The following FBXL18 variants were observed in gnomAD, a reference collection of about 807,000 sequenced individuals.
FBXL18 encodes F-box/LRR-repeat protein 18.
In FBXL18, 36 loss-of-function variants were observed where a neutral mutation model predicts 46.0. The observed-to-expected ratio is 0.78, with a 90% CI of 0.60 to 1.03. FBXL18 has a LOEUF of 1.03. Ranked by LOEUF, FBXL18 falls within the 50% of genes least tolerant of loss-of-function variation. The probability of loss-of-function intolerance (pLI) is 0.00; values close to 1 mark genes in which losing one functional copy is unlikely to be tolerated. For missense variants in FBXL18, 977 were observed against 1,004.1 expected, an observed-to-expected ratio of 0.97 and a Z score of 0.36; for synonymous variants, 557 against 465.3, an observed-to-expected ratio of 1.20 and a Z score of -2.54.
At chr7:5,473,399 C>T (rs945866862), downstream of FBXL18, among the ~76,000 whole-genome samples, 5 of 150,770 alleles carry the variant, frequency 3.3e-5, no homozygotes, top group Non-Finnish European at 5.9e-5. Context: ...TGGGCCGAGC[C>T]TCTTCCCAGA....
chr7:5,509,857 C>G (rs1200389991), intron 1 of FBXL18, among the ~76,000 whole-genome samples: 9 of 152,040 alleles, frequency 5.9e-5, no homozygotes, highest in Admixed American at 1.3e-4. Flanking sequence ...GCCCCCACCC[C>G]CACTCTCCAT....
intron 4 of FBXL18, among the ~76,000 whole-genome samples, chr7:5,461,122 G>A (rs368025146): frequency 3.3e-5 from 5 of 152,208 alleles, no homozygotes; most frequent in Non-Finnish European, 5.9e-5. Flanking sequence ...CTGCACTCTC[G>A]GGGTGGCAGG....
chr7:5,483,236 T>A (rs1327048380), intron 4 of FBXL18, among the ~76,000 whole-genome samples: 2 of 150,414 alleles, frequency 1.3e-5, no homozygotes, highest in African/African-American at 2.5e-5. Context: ...AGGTCAGGGG[T>A]TTGAGACCAG....
chr7:5,493,989 C>A (rs575825513), intron 3 of FBXL18, among the ~76,000 whole-genome samples: 1 of 151,852 alleles, frequency 6.6e-6, no homozygotes, highest in South Asian at 2.1e-4. Context: ...ATTAGCCAGG[C>A]AGGCCGGGCA....
chr7:5,511,157 C>A (rs1325624796), intron 1 of FBXL18, among the ~76,000 whole-genome samples: 1 of 152,180 alleles, frequency 6.6e-6, no homozygotes, highest in Non-Finnish European at 1.5e-5. Context: ...GAAATCTTGG[C>A]TGGGCATGGT....
chr7:5,461,962 C>T (rs956338770), intron 4 of FBXL18, among the ~76,000 whole-genome samples: 22 of 151,368 alleles, frequency 1.5e-4, no homozygotes, highest in African/African-American at 5.3e-4. Context: ...AAAAAAGAAA[C>T]AAAATCAGCT....
In FBXL18 at chr7:5,482,238, G is replaced by A. The variant is rs946276921; in HGVS notation, c.2001-307C>T. ...CGGAGGCCAACCCTGCTCTGCAGACGTGCTGCTGGGCCCCAGGGCAGCAGA... is the reference window on the plus strand; with the variant it reads ...CGGAGGCCAACCCTGCTCTGCAGACATGCTGCTGGGCCCCAGGGCAGCAGA... On this transcript the variant is annotated intron_variant, in intron 4 of 4. Transcript: ENST00000382368. Among the ~76,000 whole-genome samples, 7 of 152,184 alleles carry A rather than the reference G, an allele frequency of 4.6e-5. No individual in the cohort carries two copies. In the East Asian group the frequency reaches 5.8e-4, roughly 13 times the overall value.
At position 5,477,547 on chromosome 7, in the gene FBXL18, C is replaced by T. The variant is rs779263383; in HGVS notation, c.*4228G>A. 5.3e-5 allele frequency among the ~76,000 whole-genome samples: 8 copies of T among 151,988 alleles called. No individual in the cohort carries two copies. Among genetic ancestry groups the T allele is most frequent in the Non-Finnish European group, 1.0e-4 (7 of 67,998 alleles). ...GTGCAACCCCATCTCTGCAAAAATA[C>T]AAAAATTAGCCGGTCATGATGGCAG... On this transcript the variant is annotated 3_prime_UTR_variant, in exon 5 of 5. Transcript: ENST00000382368. This position sits in a 1 kb window ranked among gnomAD's most constrained non-coding sequence, Gnocchi z 4.4.
At chr7:5,461,690 C>T (rs1017348358) in intron 4 of FBXL18, among the ~76,000 whole-genome samples, 2 of 152,184 alleles carry the variant, frequency 1.3e-5, no homozygotes, top group Admixed American at 6.5e-5. Flanking sequence ...CCTGTAATCC[C>T]AGCACTTTGG....
At chr7:5,474,857 G>A (rs1378114512), downstream of FBXL18, among the ~76,000 whole-genome samples, 7 of 150,644 alleles carry the variant, frequency 4.6e-5, no homozygotes, top group Admixed American at 6.6e-5. Flanking sequence ...ACAGGCGCCC[G>A]CCACCACGCC....
chr7:5,508,208 G>C (rs553897685), intron 1 of FBXL18, among the ~76,000 whole-genome samples: 1 of 151,912 alleles, frequency 6.6e-6, no homozygotes, highest in Non-Finnish European at 1.5e-5. Context: ...GGAGGTTGCA[G>C]TGAGCTGAGA....
chr7:5,495,833 G>A lies in FBXL18; in HGVS notation c.1782-4384C>T, dbSNP rs368679861. 1,075 of 479,786 alleles carry A rather than the reference G, an allele frequency of 2.2e-3. 2 individuals carry two copies. Among genetic ancestry groups the A allele is most frequent in the Admixed American group, 4.3e-3 (189 of 43,526 alleles). 29.7% of individuals were successfully genotyped at this position (479,786 alleles called of 1,614,324 possible). A position where few individuals can be genotyped will look rare whatever the true frequency, so the allele number is the denominator to read the frequency against. On this transcript the variant is annotated intron_variant, in intron 3 of 4. Coordinates refer to ENST00000382368, the MANE Select transcript of FBXL18 (RefSeq NM_024963.6). ...CAGAGGAACGGGGCCAGCTGGCAGCGTCTGGGAACCGGCATTTGTTCTGAA... is the reference window on the plus strand; with the variant it reads ...CAGAGGAACGGGGCCAGCTGGCAGCATCTGGGAACCGGCATTTGTTCTGAA...
In FBXL18 at chr7:5,455,359, G is replaced by A. The variant is rs1351021513; in HGVS notation, c.2001-7516C>T. On this transcript the variant is annotated intron_variant and NMD_transcript_variant, in intron 4 of 6. Coordinates refer to the FBXL18 transcript ENST00000415009. This position sits in a 1 kb window ranked among gnomAD's most constrained non-coding sequence, Gnocchi z 4.6. ...AGGGCACATACTTGAACATTCTCAG[G>A]CCACATACTTGGGGAGCACCCTCAG... is the stretch of plus-strand genomic sequence containing the variant. 6.6e-6 allele frequency among the ~76,000 whole-genome samples: 1 copy of A among 151,986 alleles called. No individual in the cohort carries two copies. Among genetic ancestry groups the A allele is most frequent in the Non-Finnish European group, 1.5e-5 (1 of 67,948 alleles).
intron 4 of FBXL18, among the ~76,000 whole-genome samples, chr7:5,460,257 A>T (rs933229445): frequency 8.5e-5 from 13 of 152,158 alleles, no homozygotes; most frequent in Non-Finnish European, 7.3e-5. Context: ...CTCCAAAAAA[A>T]CAAACAAACA....
intron 4 of FBXL18, among the ~76,000 whole-genome samples, chr7:5,463,744 T>TA (rs1783299248): frequency 1.7e-5 from 1 of 57,864 alleles, no homozygotes; most frequent in African/African-American, 5.4e-5. Flanking sequence ...TTTTTTTTTT[T>TA]TTTTTTTTTT....
At chr7:5,465,753 A>G (rs1783332265) in intron 4 of FBXL18, among the ~76,000 whole-genome samples, 1 of 152,096 alleles carries the variant, frequency 6.6e-6, no homozygotes, top group Admixed American at 6.6e-5. Context: ...TGATGAGTTC[A>G]CTGGAAGCCC....
chr7:5,481,654 TG>T lies in FBXL18; in HGVS notation c.*120del. 1.9e-6 allele frequency: 2 copies of T among 1,037,190 alleles called. No homozygotes were observed. Among genetic ancestry groups the T allele is most frequent in the African/African-American group, 1.6e-5 (1 of 62,752 alleles). The allele number at this position is 1,037,190 out of a possible 1,614,324, so 64.2% of individuals were successfully genotyped here. On this transcript the variant is annotated 3_prime_UTR_variant, in exon 5 of 5. Transcript: ENST00000382368. ...GACGCCGGGAGCCCCAGGAGCCAGGTGGGGCGTGGCTGGCCGGGAGAGAGGC... is the reference window on the plus strand; with the variant it reads ...GACGCCGGGAGCCCCAGGAGCCAGGTGGGCGTGGCTGGCCGGGAGAGAGGC...
chr7:5,460,818 G>A (rs917428909), intron 4 of FBXL18, among the ~76,000 whole-genome samples: 3 of 152,262 alleles, frequency 2.0e-5, no homozygotes, highest in African/African-American at 4.8e-5. Flanking sequence ...GCCCGGCCTC[G>A]CTATCTGCAC....
chr7:5,463,728 A>ATTTTATTTTTTTTTTTTTTTT (rs1783295662), intron 4 of FBXL18, among the ~76,000 whole-genome samples: 1 of 53,034 alleles, frequency 1.9e-5, no homozygotes, highest in Admixed American at 2.9e-4. Context: ...TTATTTATTT[A>ATTTTATTTTTTTTTTTTTTTT]TTTTTTTTTT....
Sources: gnomAD v4.1 joint callset for allele counts (sites outside exome capture counted in the v4.1 genomes callset) on GRCh38, gnomAD v4.1.1 for gene constraint, Gnocchi (gnomAD v3.1) non-coding constraint, MANE v1.5 for transcripts, NCBI Gene and HGNC (gene_info 2026-07-23, HGNC 2026-07-21) for gene names.